OSBPL3: variants seen among roughly 807,000 people sequenced by gnomAD.
The protein encoded by OSBPL3 is oxysterol-binding protein-related protein 3.
Under a neutral mutation model 120.1 loss-of-function variants are expected in OSBPL3, and 65 were observed. That is an observed-to-expected ratio of 0.54 (90% confidence interval 0.44 to 0.67). The LOEUF (loss-of-function observed/expected upper bound fraction) is 0.67. OSBPL3 is among the 30% of genes least tolerant of loss of function. The pLI, the probability that OSBPL3 is intolerant of heterozygous loss-of-function variation, is 0.00. For missense variants in OSBPL3, 1,004 were observed against 1,082.1 expected, an observed-to-expected ratio of 0.93 and a Z score of 1.01; for synonymous variants, 416 against 402.6, an observed-to-expected ratio of 1.03 and a Z score of -0.40.
At chr7:24,848,533 T>TA (rs762071490) in intron 12 of OSBPL3, among the ~76,000 whole-genome samples, 35 of 152,220 alleles carry the variant, frequency 2.3e-4, no homozygotes, top group Middle Eastern at 3.2e-3. Flanking sequence ...GACTTTTTTT[T>TA]AACATACTTT....
chr7:24,871,368 G>C lies in OSBPL3; in HGVS notation c.267+374C>G, dbSNP rs1346972878. ...CACACCAACTGCCTGGGATTAATTT[G>C]AAAAGGAACTTCTTCACCCAGGGGC... On this transcript the variant is annotated intron_variant, in intron 4 of 22. Transcript: ENST00000313367. The surrounding 1 kb of genome is among the most constrained non-coding windows in gnomAD (Gnocchi z 4.8). Among the ~76,000 whole-genome samples the C allele has an allele frequency of 1.3e-5, 2 of 152,142 alleles. No individual in the cohort carries two copies. The highest frequency in any genetic ancestry group is 2.9e-5 in the Non-Finnish European group (2 of 68,022).
chr7:24,857,374 C>T (rs965364066), intron 10 of OSBPL3, among the ~76,000 whole-genome samples: 2 of 152,196 alleles, frequency 1.3e-5, no homozygotes, highest in Non-Finnish European at 2.9e-5. Context: ...GCTTTGCCAT[C>T]CTAAATCTCC....
chr7:24,848,525 C>CT (rs1182156123), intron 12 of OSBPL3, among the ~76,000 whole-genome samples: 3 of 152,010 alleles, frequency 2.0e-5, no homozygotes, highest in East Asian at 1.9e-4. Context: ...TGAAGAAAGA[C>CT]TTTTTTTTAA....
At chr7:24,923,133 A>C (rs1377415067) in intron 1 of OSBPL3, among the ~76,000 whole-genome samples, 1 of 152,214 alleles carries the variant, frequency 6.6e-6, no homozygotes, top group African/African-American at 2.4e-5. Flanking sequence ...AGTTTCCATC[A>C]ATCACAATAG....
intron 13 of OSBPL3, among the ~76,000 whole-genome samples, chr7:24,842,011 TAAA>T (rs879318638): frequency 7.1e-6 from 1 of 141,570 alleles, no homozygotes. Flanking sequence ...AGGCTCTGTT[TAAA>T]AAAAAAAAAA....
rs1163281355 is a variant in OSBPL3 at position 24,863,308 on chromosome 7, G to C, written c.778-16C>G. ...AAGATCCACCCTTTGTTTCAAAACAGGAAAGAGAGCACAGACAGTAAAGTC... is the reference window on the plus strand; with the variant it reads ...AAGATCCACCCTTTGTTTCAAAACACGAAAGAGAGCACAGACAGTAAAGTC... On this transcript the variant is annotated splice_polypyrimidine_tract_variant and intron_variant, in intron 8 of 22. Transcript: ENST00000313367. The surrounding 1 kb of genome is among the most constrained non-coding windows in gnomAD (Gnocchi z 5.8). 6.2e-7 allele frequency: 1 copy of C among 1,604,530 alleles called. No individual in the cohort carries two copies. Among genetic ancestry groups the C allele is most frequent in the East Asian group, 2.2e-5 (1 of 44,848 alleles).
intron 1 of OSBPL3, among the ~76,000 whole-genome samples, chr7:24,917,446 T>TATATATATTTGTAACATATATATATATAC (rs1366145573): frequency 5.7e-5 from 7 of 122,218 alleles, no homozygotes; most frequent in East Asian, 5.1e-4. Flanking sequence ...TATATATATA[T>TATATATATTTGTAACATATATATATATAC]ACACACACAT....
At chr7:24,842,788 C>G (rs1383173308) in intron 12 of OSBPL3, among the ~76,000 whole-genome samples, 1 of 152,238 alleles carries the variant, frequency 6.6e-6, no homozygotes, top group Non-Finnish European at 1.5e-5. Flanking sequence ...CTGCATTGCA[C>G]TGAATTCATG....
rs1192549229 is a variant in OSBPL3 at position 24,891,966 on chromosome 7, T to G, written c.96+411A>C. Among the ~76,000 whole-genome samples, 1 of 152,160 alleles carries G rather than the reference T, an allele frequency of 6.6e-6. No homozygotes were observed. The highest frequency in any genetic ancestry group is 1.5e-5 in the Non-Finnish European group (1 of 68,024). On this transcript the variant is annotated intron_variant, in intron 2 of 22. Coordinates refer to ENST00000313367, the MANE Select transcript of OSBPL3 (RefSeq NM_015550.4). The surrounding 1 kb of genome is among the most constrained non-coding windows in gnomAD (Gnocchi z 4.1). ...TAATTACCAGAAAAATGATTGATTG[T>G]TTTTTTGTTTTGCTTAGCAGGATAT... is the stretch of plus-strand genomic sequence containing the variant.
rs1815446363 is a variant in OSBPL3 at position 24,959,296 on chromosome 7, A to G, written c.-150+20590T>C. Among the ~76,000 whole-genome samples, 1 of 152,272 alleles carries G rather than the reference A, an allele frequency of 6.6e-6. No individual in the cohort carries two copies. The highest frequency in any genetic ancestry group is 2.1e-4 in the South Asian group (1 of 4,824). Reference sequence around the variant, plus strand: ...TACGAGAATATTCACAGCAGCACTAATCATAAAAACCCCAAACAGAAAAAA... The same window carrying G: ...TACGAGAATATTCACAGCAGCACTAGTCATAAAAACCCCAAACAGAAAAAA... On this transcript the variant is annotated intron_variant, in intron 1 of 22. Coordinates refer to ENST00000313367, the MANE Select transcript of OSBPL3 (RefSeq NM_015550.4). This position sits in a 1 kb window ranked among gnomAD's most constrained non-coding sequence, Gnocchi z 4.3.
rs1005404841 is a variant in OSBPL3, at chr7:24,898,354, GGAGTACTAAGTTTCTGGGAGAT to G, written c.-149-5755_-149-5734del. Reference sequence around the variant, plus strand: ...CCCATACCTGACTGTTTCTGGGAGAGGAGTACTAAGTTTCTGGGAGATGAGTACTAAGGCTCAGTGTCCACAG... The same window carrying G: ...CCCATACCTGACTGTTTCTGGGAGAGGAGTACTAAGGCTCAGTGTCCACAG... On this transcript the variant is annotated intron_variant, in intron 1 of 22. Coordinates refer to ENST00000313367, the MANE Select transcript of OSBPL3 (RefSeq NM_015550.4). This position sits in a 1 kb window ranked among gnomAD's most constrained non-coding sequence, Gnocchi z 4.3. Among the ~76,000 whole-genome samples the G allele has an allele frequency of 3.3e-5, 5 of 152,206 alleles. No homozygotes were observed. The highest frequency in any genetic ancestry group is 5.9e-5 in the Non-Finnish European group (4 of 68,032).
chr7:24,853,433 C>T (rs908506662), intron 10 of OSBPL3, among the ~76,000 whole-genome samples: 1 of 152,092 alleles, frequency 6.6e-6, no homozygotes, highest in African/African-American at 2.4e-5. Flanking sequence ...TACAAGTTGG[C>T]CTATACTATT....
chr7:24,889,646 T>C (rs1376276500), intron 2 of OSBPL3, among the ~76,000 whole-genome samples: 1 of 152,176 alleles, frequency 6.6e-6, no homozygotes, highest in Non-Finnish European at 1.5e-5. Context: ...AGTATCTCCA[T>C]GGATCAGAAC....
rs1805857044 is a variant in OSBPL3, at chr7:24,894,587, C to T, written c.-149-1966G>A. On this transcript the variant is annotated intron_variant, in intron 1 of 22. Transcript: ENST00000313367. This position sits in a 1 kb window ranked among gnomAD's most constrained non-coding sequence, Gnocchi z 4.1. ...GCTTGGGGCGGGGAGGGGGCATCCA[C>T]TGCTATGGCAACAGATTCCACAGTG... Among the ~76,000 whole-genome samples the T allele has an allele frequency of 6.6e-6, 1 of 152,074 alleles. No individual in the cohort carries two copies. Among genetic ancestry groups the T allele is most frequent in the Admixed American group, 6.5e-5 (1 of 15,272 alleles).
intron 6 of OSBPL3, 96 bp from the exon 7 acceptor site, chr7:24,865,561 G>A: frequency 2.6e-6 from 3 of 1,169,314 alleles, no homozygotes; most frequent in East Asian, 2.4e-5. Context: ...AGTCACTAAT[G>A]GACACCATCT....
At chr7:24,910,577 T>C (rs1808674461) in intron 1 of OSBPL3, among the ~76,000 whole-genome samples, 1 of 152,262 alleles carries the variant, frequency 6.6e-6, no homozygotes. Flanking sequence ...ACTGCTGTGC[T>C]AACCCTTCAG....
At position 24,873,048 on chromosome 7, in the gene OSBPL3, A is replaced by C. The variant is rs775358812; in HGVS notation, c.97-979T>G. On this transcript the variant is annotated intron_variant, in intron 2 of 22. Transcript: ENST00000313367. The surrounding 1 kb of genome is among the most constrained non-coding windows in gnomAD (Gnocchi z 4.1). ...AATTTTTACATTTATACATATACTC[A>C]GTAACTGCCAGCCAAACCCGACAGA... is the stretch of plus-strand genomic sequence containing the variant. Among the ~76,000 whole-genome samples the C allele has an allele frequency of 7.2e-5, 11 of 152,222 alleles. No homozygotes were observed. Among genetic ancestry groups the C allele is most frequent in the Non-Finnish European group, 1.2e-4 (8 of 68,040 alleles).
At chr7:24,890,891 C>T (rs576622844) in intron 2 of OSBPL3, among the ~76,000 whole-genome samples, 4 of 152,272 alleles carry the variant, frequency 2.6e-5, no homozygotes, top group African/African-American at 9.6e-5. Context: ...AAATAACACA[C>T]TGAAAAAAGT....
intron 14 of OSBPL3, 51 bp downstream of exon 14, chr7:24,840,639 G>A: frequency 1.3e-6 from 1 of 743,786 alleles, no homozygotes; most frequent in Non-Finnish European, 2.3e-6. Context: ...CAACTTATTA[G>A]TATTGTATGA....
Sources: gnomAD v4.1 joint callset for allele counts (sites outside exome capture counted in the v4.1 genomes callset) on GRCh38, gnomAD v4.1.1 for gene constraint, Gnocchi (gnomAD v3.1) non-coding constraint, MANE v1.5 for transcripts, NCBI Gene and HGNC (gene_info 2026-07-23, HGNC 2026-07-21) for gene names.